The following CNTNAP2 variants were observed in gnomAD, a reference collection of about 807,000 sequenced individuals.
CNTNAP2 encodes contactin associated protein 2, also known as contactin-associated protein-like 2.
A neutral mutation model predicts 155.2 loss-of-function variants in CNTNAP2; 98 were observed. The observed-to-expected ratio is 0.63, with a 90% CI of 0.54 to 0.75. The LOEUF is 0.75. Among genes scored for constraint, CNTNAP2 ranks in the 30% least tolerant of loss-of-function variants. The pLI is 0.00. For synonymous variants in CNTNAP2, 651 were observed against 631.2 expected (o/e 1.03, Z -0.47); for missense variants, 1,727 against 1,688.1 (o/e 1.02, Z -0.40).
chr7:146,501,392 A>G (rs1423327273), intron 1 of CNTNAP2, among the ~76,000 whole-genome samples: 1 of 151,892 alleles, frequency 6.6e-6, no homozygotes, highest in Non-Finnish European at 1.5e-5. Flanking sequence ...CAATCTCTTT[A>G]TGTGTTTTAC....
chr7:147,997,774 G>T (rs893968667), intron 15 of CNTNAP2, among the ~76,000 whole-genome samples: 1 of 152,138 alleles, frequency 6.6e-6, no homozygotes, highest in Non-Finnish European at 1.5e-5. Context: ...TATTCCTAAG[G>T]AGGTGAAAAG....
Position 146,259,495 on chromosome 7 carries a change from C to G in CNTNAP2, c.97+142522C>G, listed in dbSNP as rs768090626. Among the ~76,000 whole-genome samples, 107 of 152,100 alleles carry G rather than the reference C, an allele frequency of 7.0e-4. 1 individual carries two copies. The highest frequency in any genetic ancestry group is 2.5e-4 in the Non-Finnish European group (17 of 68,022). ...GTCCAGGCCTTGGTAGTCACAGATG[C>G]AGATGAGGAACTTCGTGAGAACTGG... is the stretch of plus-strand genomic sequence containing the variant. On this transcript the variant is annotated intron_variant, in intron 1 of 23. Transcript: ENST00000361727.
intron 13 of CNTNAP2, among the ~76,000 whole-genome samples, chr7:147,652,741 GAGAA>G (rs892067442): frequency 6.6e-5 from 10 of 151,940 alleles, no homozygotes; most frequent in African/African-American, 2.4e-4. Context: ...AGAAAGGAAA[GAGAA>G]AGAAAGGAAG....
chr7:147,991,891 G>C (rs1688401487), intron 15 of CNTNAP2, among the ~76,000 whole-genome samples: 1 of 151,944 alleles, frequency 6.6e-6, no homozygotes, highest in South Asian at 2.1e-4. Flanking sequence ...ATACCTACTT[G>C]GCTTTCCATA....
At chr7:147,139,220 A>G (rs1801549547) in intron 8 of CNTNAP2, among the ~76,000 whole-genome samples, 1 of 152,084 alleles carries the variant, frequency 6.6e-6, no homozygotes, top group Non-Finnish European at 1.5e-5. Context: ...TACATATACA[A>G]TGTGGTCCTT....
intron 11 of CNTNAP2, among the ~76,000 whole-genome samples, chr7:147,535,002 G>C (rs1271935186): frequency 6.6e-6 from 1 of 152,034 alleles, no homozygotes; most frequent in East Asian, 1.9e-4. Context: ...TGCCATTTTG[G>C]TGCCCCTTCC....
rs140132514 is a variant in CNTNAP2 at position 148,324,519 on chromosome 7, C to T, written c.3475+57393C>T. On this transcript the variant is annotated intron_variant, in intron 21 of 23. Transcript: ENST00000361727. ...TTTCAAGAGAGTAGGGATCTGAGGT[C>T]GGGCGCAGCGGCTCATGCCTGTAAT... Among the ~76,000 whole-genome samples the T allele has an allele frequency of 9.7e-3, 1,480 of 152,252 alleles. 11 individuals carry two copies. The highest frequency in any genetic ancestry group is 0.022 in the South Asian group (106 of 4,816).
At chr7:147,265,399 C>T (rs1178495919) in intron 8 of CNTNAP2, among the ~76,000 whole-genome samples, 21 of 152,056 alleles carry the variant, frequency 1.4e-4, no homozygotes, top group Non-Finnish European at 1.6e-4. Flanking sequence ...GATCGTGGCC[C>T]AACTGCCTCT....
chr7:148,092,104 T>C (rs1202277249), intron 15 of CNTNAP2, among the ~76,000 whole-genome samples: 2 of 152,172 alleles, frequency 1.3e-5, no homozygotes, highest in African/African-American at 2.4e-5. Context: ...AATACACTCA[T>C]GTAAGGAAAG....
Position 146,618,771 on chromosome 7 carries a change from T to C in CNTNAP2, c.98-155500T>C, listed in dbSNP as rs183927825. On this transcript the variant is annotated intron_variant, in intron 1 of 23. Transcript: ENST00000361727. ...GGAAAGGTAGTTGTGTCAAACACCA[T>C]ATAAAAAGATAAATATGGCTGGGCA... Among the ~76,000 whole-genome samples the C allele has an allele frequency of 3.9e-5, 6 of 152,188 alleles. No individual in the cohort carries two copies. The East Asian group carries it at 1.2e-3, about 29-fold the overall frequency.
At chr7:147,058,271 T>C (rs1799599405) in intron 4 of CNTNAP2, among the ~76,000 whole-genome samples, 1 of 152,168 alleles carries the variant, frequency 6.6e-6, no homozygotes, top group South Asian at 2.1e-4. Context: ...TATATAGCTG[T>C]TTCTTTGCAT....
chr7:147,355,797 T>C lies in CNTNAP2; in HGVS notation c.1499-39812T>C, dbSNP rs1234662484. ...GTTCTGAAATTGAGGCAGTAATTAA[T>C]CTACCAACCAAGAAAAGCCAAGGAC... On this transcript the variant is annotated intron_variant, in intron 9 of 23. Transcript: ENST00000361727. 2.0e-5 allele frequency among the ~76,000 whole-genome samples: 3 copies of C among 151,816 alleles called. No homozygotes were observed. The East Asian group carries it at 5.8e-4, about 29-fold the overall frequency.
At chr7:146,497,641 G>A (rs144076749) in intron 1 of CNTNAP2, among the ~76,000 whole-genome samples, 114 of 151,568 alleles carry the variant, frequency 7.5e-4, no homozygotes, top group South Asian at 1.5e-3. Context: ...TCTTCTATCC[G>A]TCAGAATTAA....
At chr7:146,654,295 CAGAT>C (rs1799961239) in intron 1 of CNTNAP2, among the ~76,000 whole-genome samples, 6 of 151,992 alleles carry the variant, frequency 3.9e-5, no homozygotes, top group Admixed American at 2.6e-4. Flanking sequence ...CGGCTCCAAG[CAGAT>C]AGATGGCCTG....
intron 1 of CNTNAP2, among the ~76,000 whole-genome samples, chr7:146,425,679 A>G (rs2129115363): frequency 6.6e-6 from 1 of 152,256 alleles, no homozygotes; most frequent in South Asian, 2.1e-4. Flanking sequence ...AACAAAAACT[A>G]CAAGTATAAT....
At chr7:147,722,033 T>G (rs527409915) in intron 13 of CNTNAP2, among the ~76,000 whole-genome samples, 3 of 152,272 alleles carry the variant, frequency 2.0e-5, no homozygotes, top group Admixed American at 6.5e-5. Flanking sequence ...GCCATACAGT[T>G]TAAGGAGAAT....
chr7:146,608,906 C>G (rs1799090317), intron 1 of CNTNAP2, among the ~76,000 whole-genome samples: 1 of 152,022 alleles, frequency 6.6e-6, no homozygotes, highest in African/African-American at 2.4e-5. Context: ...CAGATTGCAT[C>G]CTATTTTTTG....
At chr7:147,033,181 T>C (rs563221897) in intron 3 of CNTNAP2, among the ~76,000 whole-genome samples, 42 of 87,540 alleles carry the variant, frequency 4.8e-4, no homozygotes, top group South Asian at 5.1e-4. Flanking sequence ...TATATATATA[T>C]ATATATATAT....
At chr7:146,502,224 A>AATATATATATATATATAT (rs59759183) in intron 1 of CNTNAP2, among the ~76,000 whole-genome samples, 1 of 94,808 alleles carries the variant, frequency 1.1e-5, no homozygotes, top group Non-Finnish European at 2.0e-5. Flanking sequence ...TATATATATG[A>AATATATATATATATATAT]ATATATATAT....
Sources: allele counts gnomAD v4.1 joint callset (sites outside exome capture counted in the v4.1 genomes callset), GRCh38; gene constraint gnomAD v4.1.1; transcripts MANE v1.5; gene names NCBI Gene and HGNC (gene_info 2026-07-23, HGNC 2026-07-21).